ZCCHC24: variants seen among roughly 807,000 people sequenced by gnomAD.
The protein encoded by ZCCHC24 is zinc finger CCHC-type containing 24.
ZCCHC24 carries 10 observed loss-of-function variants against 26.2 expected under a neutral mutation model. The observed-to-expected ratio is 0.38, with a 90% CI of 0.24 to 0.65. The LOEUF (loss-of-function observed/expected upper bound fraction) is 0.65. Ranked by LOEUF, ZCCHC24 falls within the 30% of genes least tolerant of loss-of-function variation. The pLI, the probability that ZCCHC24 is intolerant of heterozygous loss-of-function variation, is 0.54. For synonymous variants in ZCCHC24, 144 were observed against 147.1 expected (o/e 0.98, Z 0.15); for missense variants, 243 against 329.1 (o/e 0.74, Z 2.03).
chr10:79,430,882 G>A (rs1464775689), intron 2 of ZCCHC24, among the ~76,000 whole-genome samples: 2 of 152,196 alleles, frequency 1.3e-5, no homozygotes, highest in Admixed American at 6.5e-5. Flanking sequence ...GTTGATGTCT[G>A]AGTGTCACCT....
intron 3 of ZCCHC24, among the ~76,000 whole-genome samples, chr10:79,388,355 C>T (rs1355127022): frequency 3.9e-5 from 6 of 152,184 alleles, no homozygotes; most frequent in Non-Finnish European, 5.9e-5. Context: ...CTTTCCTGGA[C>T]GTCCCAGGGA....
chr10:79,407,673 A>G (rs928235172), intron 2 of ZCCHC24, among the ~76,000 whole-genome samples: 1 of 152,196 alleles, frequency 6.6e-6, no homozygotes, highest in African/African-American at 2.4e-5. Context: ...TGCTGTCCCC[A>G]TCTGCCCATT....
In ZCCHC24 at chr10:79,384,864, G is replaced by A. The variant is rs1390302500; in HGVS notation, c.*1481C>T. 6.6e-6 allele frequency: 1 copy of A among 151,772 alleles called. No homozygotes were observed. Among genetic ancestry groups the A allele is most frequent in the Non-Finnish European group, 1.5e-5 (1 of 67,956 alleles). The allele number at this position is 151,772 out of a possible 1,614,324, so 9.4% of individuals were successfully genotyped here. On this transcript the variant is annotated 3_prime_UTR_variant, in exon 4 of 4. Transcript: ENST00000372336. ...GCATAATGTAGGGGCAAAATCAAGA[G>A]ACCCAGTTCTGACAGCCGGGAGAAA... is the stretch of plus-strand genomic sequence containing the variant.
chr10:79,421,407 G>A (rs1434827622), intron 2 of ZCCHC24, among the ~76,000 whole-genome samples: 1 of 148,050 alleles, frequency 6.8e-6, no homozygotes, highest in Non-Finnish European at 1.5e-5. Context: ...GAATGATGCT[G>A]TCTGTCCTCC....
intron 1 of ZCCHC24, among the ~76,000 whole-genome samples, chr10:79,434,708 A>G (rs1473372844): frequency 3.3e-5 from 5 of 152,206 alleles, no homozygotes; most frequent in Non-Finnish European, 5.9e-5. Context: ...CGAGGGCCCG[A>G]AATCTGTATT....
rs112768691 is a variant in ZCCHC24 at position 79,428,176 on chromosome 10, A to C, written c.447+4382T>G. ...ATGTGGTATATACATACAATGGAATATTACTCAGCCTTAAAAAGGAATGAA... is the reference window on the plus strand; with the variant it reads ...ATGTGGTATATACATACAATGGAATCTTACTCAGCCTTAAAAAGGAATGAA... On this transcript the variant is annotated intron_variant, in intron 2 of 3. Transcript: ENST00000372336. Among the ~76,000 whole-genome samples the C allele has an allele frequency of 2.3e-3, 348 of 152,372 alleles. 2 individuals carry two copies. The highest frequency in any genetic ancestry group is 8.1e-3 in the African/African-American group (335 of 41,594).
chr10:79,416,695 A>G (rs1382802976), intron 2 of ZCCHC24, among the ~76,000 whole-genome samples: 2 of 151,626 alleles, frequency 1.3e-5, no homozygotes, highest in African/African-American at 4.9e-5. Context: ...TTTTGCACAT[A>G]TTTATGACAG....
rs943022925 is a variant in ZCCHC24 at position 79,445,477 on chromosome 10, G to T, written c.-37C>A. 2 of 1,334,224 alleles carry T rather than the reference G, an allele frequency of 1.5e-6. No individual in the cohort carries two copies. Among genetic ancestry groups the T allele is most frequent in the Admixed American group, 3.4e-5 (1 of 29,276 alleles). The allele number at this position is 1,334,224 out of a possible 1,614,324, so 82.6% of individuals were successfully genotyped here. On this transcript the variant is annotated 5_prime_UTR_variant, in exon 1 of 4. Coordinates refer to ENST00000372336, the MANE Select transcript of ZCCHC24 (RefSeq NM_153367.4). ...GGTGCCGGCCCCTCCCCGGCCGCCC[G>T]CTCGCGGCCCCCCTCCGCAGCGGAG...
rs116102183 is a variant in ZCCHC24 at position 79,384,999 on chromosome 10, G to T, written c.*1346C>A. ...TCCCTGGCCACGGACGTGCCACGAG[G>T]CCTCTCTGCTCCCTTGGGAGGTAGG... is the stretch of plus-strand genomic sequence containing the variant. On this transcript the variant is annotated 3_prime_UTR_variant, in exon 4 of 4. Transcript: ENST00000372336. 1.3e-5 allele frequency: 2 copies of T among 152,232 alleles called. No homozygotes were observed. Among genetic ancestry groups the T allele is most frequent in the Non-Finnish European group, 2.9e-5 (2 of 68,040 alleles). The allele number at this position is 152,232 out of a possible 1,614,324, so 9.4% of individuals were successfully genotyped here. A position where few individuals can be genotyped will look rare whatever the true frequency, so the allele number is the denominator to read the frequency against.
At chr10:79,418,645 A>G (rs1856897262) in intron 2 of ZCCHC24, among the ~76,000 whole-genome samples, 1 of 152,176 alleles carries the variant, frequency 6.6e-6, no homozygotes, top group African/African-American at 2.4e-5. Flanking sequence ...GAGAAGGCTG[A>G]GCAGAGGTCA....
intron 2 of ZCCHC24, among the ~76,000 whole-genome samples, chr10:79,429,354 A>G (rs1857094541): frequency 6.6e-6 from 1 of 152,186 alleles, no homozygotes; most frequent in Non-Finnish European, 1.5e-5. Flanking sequence ...AGGCTGAGGC[A>G]GGTGGATCAC....
intron 2 of ZCCHC24, among the ~76,000 whole-genome samples, chr10:79,406,458 C>T (rs931491334): frequency 3.3e-5 from 5 of 152,180 alleles, no homozygotes; most frequent in African/African-American, 1.2e-4. Flanking sequence ...GACCCTGCTT[C>T]TTCACCAAGG....
At chr10:79,432,497 G>A (rs754629805) in intron 2 of ZCCHC24, 61 bp downstream of exon 2, 146 of 1,544,504 alleles carry the variant, frequency 9.5e-5, no homozygotes, top group Admixed American at 2.6e-4. Context: ...CTACCCACAG[G>A]AGCCTGTCCG....
chr10:79,426,248 G>A (rs771044505), intron 2 of ZCCHC24, among the ~76,000 whole-genome samples: 14 of 152,162 alleles, frequency 9.2e-5, no homozygotes, highest in South Asian at 4.1e-4. Flanking sequence ...CTCAGACCCC[G>A]GGGGCTCCAT....
At chr10:79,406,313 C>T (rs1489417100) in intron 2 of ZCCHC24, among the ~76,000 whole-genome samples, 1 of 152,126 alleles carries the variant, frequency 6.6e-6, no homozygotes, top group Non-Finnish European at 1.5e-5. Flanking sequence ...AGGCCATGGA[C>T]AGGTACAAAG....
At chr10:79,387,873 C>T (rs1009792275) in intron 3 of ZCCHC24, among the ~76,000 whole-genome samples, 3 of 152,176 alleles carry the variant, frequency 2.0e-5, no homozygotes, top group African/African-American at 7.2e-5. Context: ...GACCACCCTT[C>T]TGCCCCTGGC....
intron 1 of ZCCHC24, among the ~76,000 whole-genome samples, chr10:79,435,022 G>C (rs919727219): frequency 6.6e-6 from 1 of 151,780 alleles, no homozygotes; most frequent in Non-Finnish European, 1.5e-5. Flanking sequence ...ATCTTGACTC[G>C]AAGACTTTCC....
At chr10:79,395,527 C>T (rs545307722) in intron 2 of ZCCHC24, among the ~76,000 whole-genome samples, 2 of 152,324 alleles carry the variant, frequency 1.3e-5, no homozygotes, top group East Asian at 1.9e-4. Flanking sequence ...GCCCCTTCTT[C>T]CCACATACTG....
At chr10:79,408,085 C>T (rs539820857) in intron 2 of ZCCHC24, among the ~76,000 whole-genome samples, 1 of 152,304 alleles carries the variant, frequency 6.6e-6, no homozygotes, top group Admixed American at 6.5e-5. Context: ...CCTCCTGCCC[C>T]CACCTCCACC....
Sources: allele counts gnomAD v4.1 joint callset (sites outside exome capture counted in the v4.1 genomes callset), GRCh38; gene constraint gnomAD v4.1.1; transcripts MANE v1.5; gene names NCBI Gene and HGNC (gene_info 2026-07-23, HGNC 2026-07-21).